Variants in PPTC7 observed in about 807,000 individuals in gnomAD.
The protein encoded by PPTC7 is protein phosphatase targeting COQ7.
PPTC7 carries 6 observed loss-of-function variants against 30.8 expected under a neutral mutation model. The observed-to-expected ratio is 0.19, with a 90% CI of 0.11 to 0.38. PPTC7 has a LOEUF of 0.38. Ranked by LOEUF, PPTC7 falls within the 10% of genes least tolerant of loss-of-function variation. The probability of loss-of-function intolerance (pLI) is 1.00; values close to 1 mark genes in which losing one functional copy is unlikely to be tolerated. For missense variants in PPTC7, 218 were observed against 404.8 expected (o/e 0.54, Z 3.96); for synonymous variants, 163 against 168.1 (o/e 0.97, Z 0.23).
Position 110,538,323 on chromosome 12 carries a change from A to G in PPTC7, c.727-50T>C, listed in dbSNP as rs1243093169. ...TTTTACCATAATGCTCAAGACAGTA[A>G]CATTTATCTAACCACCTTTTCCATC... is the stretch of plus-strand genomic sequence containing the variant. On this transcript the variant is annotated intron_variant, in intron 4 of 5. Transcript: ENST00000354300. 5 of 1,546,150 alleles carry G rather than the reference A, an allele frequency of 3.2e-6. No homozygotes were observed. The East Asian group carries it at 1.1e-4, about 35-fold the overall frequency.
chr12:110,541,118 A>G (rs2064255945), intron 3 of PPTC7, among the ~76,000 whole-genome samples: 1 of 149,460 alleles, frequency 6.7e-6, no homozygotes, highest in Non-Finnish European at 1.5e-5. Context: ...GTGGTGGCTC[A>G]CGCCTGTAAT....
chr12:110,562,644 T>C (rs2064447928), intron 1 of PPTC7, among the ~76,000 whole-genome samples: 1 of 151,090 alleles, frequency 6.6e-6, no homozygotes, highest in Non-Finnish European at 1.5e-5. Context: ...AATACAAAAA[T>C]GACCCAGGTA....
chr12:110,539,308 A>T (rs2064239756), intron 4 of PPTC7, among the ~76,000 whole-genome samples: 1 of 152,268 alleles, frequency 6.6e-6, no homozygotes, highest in Non-Finnish European at 1.5e-5. Context: ...GTAAAGACTC[A>T]TGAGAAAAAG....
intron 2 of PPTC7, among the ~76,000 whole-genome samples, chr12:110,549,806 G>A (rs545834459): frequency 1.3e-5 from 2 of 152,244 alleles, no homozygotes; most frequent in Middle Eastern, 3.4e-3. Flanking sequence ...TAAATGATCG[G>A]GGGTCAGAGG....
At chr12:110,579,355 T>A (rs1320072292) in intron 1 of PPTC7, among the ~76,000 whole-genome samples, 1 of 152,208 alleles carries the variant, frequency 6.6e-6, no homozygotes, top group African/African-American at 2.4e-5. Flanking sequence ...CCCCACCATT[T>A]GCATATGTGC....
chr12:110,551,761 G>C (rs759041520), intron 2 of PPTC7, 28 bp downstream of exon 2: 2 of 1,596,296 alleles, frequency 1.3e-6, no homozygotes, highest in East Asian at 2.2e-5. Context: ...GGCTTCTTTA[G>C]AGGAAAACAC....
rs2135803758 is a variant in PPTC7, at chr12:110,583,142, C to T, written c.-111G>A. On this transcript the variant is annotated 5_prime_UTR_variant, in exon 1 of 6. Transcript: ENST00000354300. ...GTCGCGCCGCCGCTGGGGCGCTCCT[C>T]AGGGCGGCGCGCAGTGGCCGCCGCC... 3.9e-6 allele frequency: 3 copies of T among 771,054 alleles called. No individual in the cohort carries two copies. The highest frequency in any genetic ancestry group is 4.3e-5 in the East Asian group (1 of 23,466). 47.8% of individuals were successfully genotyped at this position (771,054 alleles called of 1,614,324 possible). A position where few individuals can be genotyped will look rare whatever the true frequency, so the allele number is the denominator to read the frequency against.
intron 2 of PPTC7, among the ~76,000 whole-genome samples, chr12:110,548,432 C>A (rs1361567076): frequency 6.6e-6 from 1 of 152,180 alleles, no homozygotes; most frequent in African/African-American, 2.4e-5. Context: ...ACTATGCTAG[C>A]CATTAAGTGT....
At chr12:110,555,621 G>C (rs1313642137) in intron 1 of PPTC7, among the ~76,000 whole-genome samples, 1 of 152,218 alleles carries the variant, frequency 6.6e-6, no homozygotes, top group Admixed American at 6.5e-5. Context: ...CAATCTGCTG[G>C]CAGTGTGGTT....
At chr12:110,548,060 T>C (rs1041915106) in intron 2 of PPTC7, among the ~76,000 whole-genome samples, 1 of 151,472 alleles carries the variant, frequency 6.6e-6, no homozygotes, top group Non-Finnish European at 1.5e-5. Context: ...TGAGCTGAGA[T>C]TGCACCACTG....
At position 110,563,802 on chromosome 12, in the gene PPTC7, C is replaced by T. The variant is rs138481226; in HGVS notation, c.224-11834G>A. Among the ~76,000 whole-genome samples, 1,044 of 152,300 alleles carry T rather than the reference C, an allele frequency of 6.9e-3. 1 individual carries two copies. Among genetic ancestry groups the T allele is most frequent in the Non-Finnish European group, 9.4e-3 (637 of 68,026 alleles). On this transcript the variant is annotated intron_variant, in intron 1 of 5. Coordinates refer to ENST00000354300, the MANE Select transcript of PPTC7 (RefSeq NM_139283.2). ...ATTAATGAGCCTCCACATACACTTACACCTATGTCTAGAATACTTCATTAA... is the reference window on the plus strand; with the variant it reads ...ATTAATGAGCCTCCACATACACTTATACCTATGTCTAGAATACTTCATTAA...
chr12:110,579,301 A>G (rs962436194), intron 1 of PPTC7, among the ~76,000 whole-genome samples: 6 of 152,240 alleles, frequency 3.9e-5, no homozygotes, highest in African/African-American at 1.4e-4. Flanking sequence ...GAGCTCCTCC[A>G]CAACAGGACA....
rs2064206856 is a variant in PPTC7, at chr12:110,534,792, T to C, written c.*2245A>G. On this transcript the variant is annotated 3_prime_UTR_variant, in exon 6 of 6. Coordinates refer to ENST00000354300, the MANE Select transcript of PPTC7 (RefSeq NM_139283.2). ...ACAATCGTTTCTCAAAAAGGTAAGC[T>C]GAGTAAATAAGTTGTATAAAACACC... is the stretch of plus-strand genomic sequence containing the variant. 1.3e-5 allele frequency: 2 copies of C among 152,524 alleles called. No homozygotes were observed. The highest frequency in any genetic ancestry group is 1.3e-4 in the Admixed American group (2 of 15,286). The allele number at this position is 152,524 out of a possible 1,614,324, so 9.4% of individuals were successfully genotyped here. A position where few individuals can be genotyped will look rare whatever the true frequency, so the allele number is the denominator to read the frequency against.
intron 2 of PPTC7, among the ~76,000 whole-genome samples, chr12:110,551,259 A>C (rs1364368062): frequency 6.6e-6 from 1 of 152,210 alleles, no homozygotes; most frequent in Non-Finnish European, 1.5e-5. Context: ...CTATATGTTC[A>C]TATTTAATAC....
chr12:110,554,319 T>C (rs2064370557), intron 1 of PPTC7, among the ~76,000 whole-genome samples: 1 of 151,926 alleles, frequency 6.6e-6, no homozygotes, highest in Non-Finnish European at 1.5e-5. Flanking sequence ...GACTACGGGG[T>C]CATGCCACCA....
At chr12:110,552,585 C>A (rs1345483977) in intron 1 of PPTC7, among the ~76,000 whole-genome samples, 1 of 152,240 alleles carries the variant, frequency 6.6e-6, no homozygotes, top group East Asian at 1.9e-4. Context: ...ATACAGTGGG[C>A]CGGGCGCGGT....
chr12:110,563,982 T>C (rs1025711536), intron 1 of PPTC7, among the ~76,000 whole-genome samples: 2 of 152,262 alleles, frequency 1.3e-5, no homozygotes, highest in Non-Finnish European at 2.9e-5. Context: ...TTAACTTCAA[T>C]AATTCTGTTT....
intron 1 of PPTC7, among the ~76,000 whole-genome samples, chr12:110,555,202 A>T (rs2064376351): frequency 6.6e-6 from 1 of 152,382 alleles, no homozygotes; most frequent in Non-Finnish European, 1.5e-5. Flanking sequence ...AAGAGGAAAC[A>T]GAATTGGAAG....
chr12:110,578,616 A>C (rs2064609173), intron 1 of PPTC7, among the ~76,000 whole-genome samples: 1 of 152,234 alleles, frequency 6.6e-6, no homozygotes, highest in Non-Finnish European at 1.5e-5. Flanking sequence ...ATAAAAAGAA[A>C]GAAACAGCTT....
Sources: gnomAD v4.1 joint callset for allele counts (sites outside exome capture counted in the v4.1 genomes callset) on GRCh38, gnomAD v4.1.1 for gene constraint, MANE v1.5 for transcripts, NCBI Gene and HGNC (gene_info 2026-07-23, HGNC 2026-07-21) for gene names.